The following GPT2 variants were observed in gnomAD, a reference collection of about 807,000 sequenced individuals.
GPT2 encodes the protein alanine aminotransferase 2.
In GPT2, 30 loss-of-function variants were observed where a neutral mutation model predicts 56.9. The observed-to-expected ratio is 0.53, with a 90% CI of 0.39 to 0.72. GPT2 has a LOEUF of 0.72. Ranked by LOEUF, GPT2 falls within the 30% of genes least tolerant of loss-of-function variation. GPT2 has a pLI of 0.00. For synonymous variants in GPT2, 271 were observed against 283.1 expected, an observed-to-expected ratio of 0.96 and a Z score of 0.43; for missense variants, 542 against 703.4, an observed-to-expected ratio of 0.77 and a Z score of 2.60.
At chr16:46,891,885 A>G (rs1282079142) in intron 2 of GPT2, among the ~76,000 whole-genome samples, 2 of 150,262 alleles carry the variant, frequency 1.3e-5, no homozygotes, top group South Asian at 4.2e-4. Context: ...TTTGGTACCC[A>G]TTAACCATCC....
intron 2 of GPT2, among the ~76,000 whole-genome samples, chr16:46,886,267 C>T (rs180855015): frequency 1.5e-3 from 236 of 152,276 alleles, no homozygotes; most frequent in African/African-American, 5.5e-3. Flanking sequence ...CCCTCCTTGA[C>T]GCAACAGCCT....
At chr16:46,919,532 G>A (rs936759955) in intron 8 of GPT2, among the ~76,000 whole-genome samples, 3 of 152,248 alleles carry the variant, frequency 2.0e-5, no homozygotes, top group African/African-American at 7.2e-5. Flanking sequence ...CAGCACACCT[G>A]CTGTGCTGGC....
Position 46,884,816 on chromosome 16 carries a change from T to C in GPT2, c.101T>C (p.Val34Ala). The change falls in exon 2 of 12, where the codon GTG (valine) becomes GCG (alanine). Residue 34 changes from valine to alanine, a missense_variant. By Grantham distance (64) the Val-to-Ala change is moderately conservative. Transcript: ENST00000340124. ...AGCGCGGCCGCCGAGGCCTCGGCGG[T>C]GCTCAAGGTGCGGCCCGAGCGCAGC... ...QSSAAAEASA[V>A]LKVRPERSRR... 6.6e-7 allele frequency: 1 copy of C among 1,521,934 alleles called. No homozygotes were observed. Among genetic ancestry groups the C allele is most frequent in the South Asian group, 1.2e-5 (1 of 81,732 alleles). The allele number at this position is 1,521,934 out of a possible 1,614,324, so 94.3% of individuals were successfully genotyped here.
intron 2 of GPT2, among the ~76,000 whole-genome samples, chr16:46,886,661 G>A (rs947933474): frequency 6.6e-6 from 1 of 152,186 alleles, no homozygotes; most frequent in African/African-American, 2.4e-5. Flanking sequence ...ACAGAGGGAT[G>A]TGGGAGGTGA....
rs1960449196 is a variant in GPT2 at position 46,884,792 on chromosome 16, G to A, written c.77G>A (p.Ser26Asn). Residue 26 changes from serine to asparagine, a missense_variant, in exon 2 of 12, where the codon AGC (serine) becomes AAC (asparagine). Ser to Asn is a conservative substitution (Grantham distance 46, BLOSUM62 1). Coordinates refer to ENST00000340124, the MANE Select transcript of GPT2 (RefSeq NM_133443.4). ...TPSSWGRSQS[S>N]AAAEASAVLK... is the part of the protein sequence containing the mutation. ...AGCTCCTGGGGCCGCAGCCAGAGCA[G>A]CGCGGCCGCCGAGGCCTCGGCGGTG... 1 of 1,520,786 alleles carries A rather than the reference G, an allele frequency of 6.6e-7. No homozygotes were observed. Among genetic ancestry groups the A allele is most frequent in the East Asian group, 2.7e-5 (1 of 37,506 alleles). 94.2% of individuals were successfully genotyped at this position (1,520,786 alleles called of 1,614,324 possible). A position where few individuals can be genotyped will look rare whatever the true frequency, so the allele number is the denominator to read the frequency against.
At chr16:46,924,958 C>T (rs1463984764) in intron 10 of GPT2, among the ~76,000 whole-genome samples, 5 of 151,988 alleles carry the variant, frequency 3.3e-5, no homozygotes, top group African/African-American at 4.8e-5. Flanking sequence ...GAACGGGTCT[C>T]GCTAGATTGC....
chr16:46,902,184 T>TG (rs1178781467), intron 4 of GPT2, among the ~76,000 whole-genome samples: 1 of 152,208 alleles, frequency 6.6e-6, no homozygotes, highest in Non-Finnish European at 1.5e-5. Context: ...GTAGTGGGGC[T>TG]GAGAGACTGT....
Position 46,922,253 on chromosome 16 carries a change from G to A in GPT2, c.1049G>A (p.Arg350Lys). The change falls in exon 9 of 12, where the codon AGA becomes AAA. Residue 350 changes from arginine to lysine, a missense_variant. Physicochemically the swap from Arg to Lys is conservative, Grantham distance 26. Transcript: ENST00000340124. ...SKGYMGECGYRGGYMEVINLH... is the reference protein window; with the variant it reads ...SKGYMGECGYKGGYMEVINLH... ...CTTTGGCCCTCCAGGTGTGGTTACA[G>A]AGGAGGCTACATGGAGGTGATCAAC... 6.2e-7 allele frequency: 1 copy of A among 1,613,876 alleles called. No homozygotes were observed. Among genetic ancestry groups the A allele is most frequent in the Non-Finnish European group, 8.5e-7 (1 of 1,179,938 alleles).
At chr16:46,891,755 C>G (rs1198054286) in intron 2 of GPT2, among the ~76,000 whole-genome samples, 1 of 151,316 alleles carries the variant, frequency 6.6e-6, no homozygotes, top group African/African-American at 2.4e-5. Context: ...AGCATTTGTC[C>G]TTGTCTTACA....
At chr16:46,906,166 T>C (rs1320625737) in intron 4 of GPT2, among the ~76,000 whole-genome samples, 2 of 152,112 alleles carry the variant, frequency 1.3e-5, no homozygotes, top group Non-Finnish European at 2.9e-5. Flanking sequence ...CTCTACCTCC[T>C]GAGCTCAAGC....
chr16:46,926,130 C>CAAA (rs57922941), intron 10 of GPT2, among the ~76,000 whole-genome samples: 1 of 58,162 alleles, frequency 1.7e-5, no homozygotes, highest in Admixed American at 1.9e-4. Context: ...GACTCTGTCT[C>CAAA]AAAAAAAAAA....
At chr16:46,897,873 C>G (rs1312746633) in intron 3 of GPT2, 136 bp downstream of exon 3, 1 of 689,886 alleles carries the variant, frequency 1.4e-6, no homozygotes, top group South Asian at 2.0e-5. Flanking sequence ...CCCTTAGCCT[C>G]CTTCCTGCCT....
At chr16:46,918,168 G>T (rs1039288653) in intron 7 of GPT2, among the ~76,000 whole-genome samples, 1 of 152,252 alleles carries the variant, frequency 6.6e-6, no homozygotes, top group East Asian at 1.9e-4. Flanking sequence ...GATTCCACTC[G>T]AGTGGGGGGT....
Position 46,919,813 on chromosome 16 carries a change from C to T in GPT2, c.1037+1056C>T, listed in dbSNP as rs150919426. Reference sequence around the variant, plus strand: ...TGTTACAGTCTCCCAGGTGAGATATCGTGCACCAGACAGAGATGGGGAGAG... The same window carrying T: ...TGTTACAGTCTCCCAGGTGAGATATTGTGCACCAGACAGAGATGGGGAGAG... On this transcript the variant is annotated intron_variant, in intron 8 of 11. Transcript: ENST00000340124. 4.1e-3 allele frequency among the ~76,000 whole-genome samples: 620 copies of T among 152,120 alleles called. 2 individuals carry two copies. The highest frequency in any genetic ancestry group is 5.5e-3 in the Non-Finnish European group (377 of 67,986).
intron 2 of GPT2, among the ~76,000 whole-genome samples, chr16:46,889,026 G>A (rs1306053077): frequency 4.6e-5 from 7 of 151,764 alleles, no homozygotes; most frequent in African/African-American, 1.7e-4. Context: ...AGCCCATACT[G>A]TTTGCAGAGC....
intron 6 of GPT2, 94 bp downstream of exon 6, chr16:46,910,021 C>G: frequency 7.0e-7 from 1 of 1,437,718 alleles, no homozygotes; most frequent in East Asian, 2.3e-5. Flanking sequence ...TGGAGGGTCT[C>G]TCTGCCCCTA....
rs116250991 is a variant in GPT2, at chr16:46,906,232, C to T, written c.443-610C>T. ...GGACTATAGGCGCATGCCACCACAC[C>T]TGGCTGATTTTGTATTTTTTGTAGA... is the stretch of plus-strand genomic sequence containing the variant. On this transcript the variant is annotated intron_variant, in intron 4 of 11. Coordinates refer to ENST00000340124, the MANE Select transcript of GPT2 (RefSeq NM_133443.4). Among the ~76,000 whole-genome samples, 1,045 of 152,234 alleles carry T rather than the reference C, an allele frequency of 6.9e-3. 16 individuals are homozygous for T. The highest frequency in any genetic ancestry group is 0.023 in the African/African-American group (965 of 41,542).
chr16:46,925,683 G>T (rs967223804), intron 10 of GPT2, among the ~76,000 whole-genome samples: 3 of 152,078 alleles, frequency 2.0e-5, no homozygotes, highest in Non-Finnish European at 4.4e-5. Flanking sequence ...TTAAAACTTA[G>T]CTGGGTGGTG....
At chr16:46,887,752 G>A (rs1447593505) in intron 2 of GPT2, among the ~76,000 whole-genome samples, 3 of 152,156 alleles carry the variant, frequency 2.0e-5, no homozygotes, top group Non-Finnish European at 2.9e-5. Flanking sequence ...AATGTGGGCC[G>A]TTTGGCTGGA....
Sources: gnomAD v4.1 joint callset for allele counts (sites outside exome capture counted in the v4.1 genomes callset) on GRCh38, gnomAD v4.1.1 for gene constraint, MANE v1.5 for transcripts, NCBI Gene and HGNC (gene_info 2026-07-23, HGNC 2026-07-21) for gene names.